Variants in PUS10 observed in about 807,000 individuals in gnomAD.
The protein encoded by PUS10 is tRNA pseudouridine synthase Pus10.
PUS10 carries 59 observed loss-of-function variants against 75.0 expected under a neutral mutation model. The observed-to-expected ratio is 0.79, with a 90% confidence interval of 0.64 to 0.98. PUS10 has a LOEUF of 0.98. Among genes scored for constraint, PUS10 ranks in the 50% least tolerant of loss-of-function variants. The pLI is 0.00. For missense variants in PUS10, 650 were observed against 614.4 expected (o/e 1.06, Z -0.61); for synonymous variants, 219 against 211.6 (o/e 1.03, Z -0.30).
At chr2:60,996,689 C>T (rs2104604970) in intron 4 of PUS10, among the ~76,000 whole-genome samples, 1 of 152,198 alleles carries the variant, frequency 6.6e-6, no homozygotes, top group South Asian at 2.1e-4. Context: ...ATCACATACC[C>T]CTACGAGACT....
chr2:60,982,839 T>A (rs539281424), intron 4 of PUS10, among the ~76,000 whole-genome samples: 4 of 152,220 alleles, frequency 2.6e-5, no homozygotes, highest in Admixed American at 1.3e-4. Flanking sequence ...GTCGAATTTT[T>A]TTTTTTTTGA....
In PUS10 at chr2:60,971,561, T is replaced by C. The variant is rs1192960852; in HGVS notation, c.469-4A>G. The C allele has an allele frequency of 6.2e-7, 1 of 1,613,528 alleles. No individual in the cohort carries two copies. Among genetic ancestry groups the C allele is most frequent in the Admixed American group, 1.7e-5 (1 of 60,004 alleles). ...TTACCAGCAACCATGCAGCATGCTG[T>C]AGGCAATTTAGTCACACCCAGAAAG... On this transcript the variant is annotated splice_region_variant and splice_polypyrimidine_tract_variant and intron_variant, in intron 4 of 17. Transcript: ENST00000316752.
chr2:61,014,545 G>A (rs1679843603), intron 1 of PUS10, among the ~76,000 whole-genome samples: 1 of 152,142 alleles, frequency 6.6e-6, no homozygotes, highest in African/African-American at 2.4e-5. Context: ...CCTGTTACCG[G>A]GAAGGAGGGG....
At chr2:60,977,116 C>T (rs1460898698) in intron 4 of PUS10, among the ~76,000 whole-genome samples, 1 of 152,116 alleles carries the variant, frequency 6.6e-6, no homozygotes, top group Non-Finnish European at 1.5e-5. Flanking sequence ...CTAACACACA[C>T]ACCATAGACC....
Position 60,960,511 on chromosome 2 carries a change from T to C in PUS10, c.881A>G (p.Tyr294Cys), listed in dbSNP as rs935697641. ...TGGTAGATTCCTGGAGTATTTATTA[T>C]ATCTCCCTGAGAAAGAAATAATCAG... is the stretch of plus-strand genomic sequence containing the variant. ...AHGAVFVAGR[Y>C]NKYSRNLPQT... Residue 294 changes from tyrosine to cysteine, a missense_variant, in exon 11 of 18, where the codon TAT becomes TGT. Physicochemically the swap from Tyr to Cys is radical, Grantham distance 194. Transcript: ENST00000316752. 1 of 1,572,234 alleles carries C rather than the reference T, an allele frequency of 6.4e-7. No individual in the cohort carries two copies. Among genetic ancestry groups the C allele is most frequent in the Non-Finnish European group, 8.6e-7 (1 of 1,164,540 alleles).
intron 10 of PUS10, 123 bp from the exon 11 acceptor site, chr2:60,960,640 C>T (rs1338963095): frequency 2.6e-6 from 2 of 770,590 alleles, no homozygotes; most frequent in Non-Finnish European, 3.9e-6. Flanking sequence ...AAGGCCTATC[C>T]TTTACCTAAC....
intron 11 of PUS10, among the ~76,000 whole-genome samples, chr2:60,957,995 C>A (rs1023385373): frequency 5.3e-5 from 8 of 152,268 alleles, no homozygotes; most frequent in Non-Finnish European, 8.8e-5. Context: ...AAAGGTATAA[C>A]TACCCTGCTG....
At chr2:60,984,713 T>G (rs879565230) in intron 4 of PUS10, among the ~76,000 whole-genome samples, 1 of 152,244 alleles carries the variant, frequency 6.6e-6, no homozygotes, top group East Asian at 1.9e-4. Context: ...GATTTAACCA[T>G]CTGTACGGGA....
At position 60,961,671 on chromosome 2, in the gene PUS10, G is replaced by T. The variant is rs1356466485; in HGVS notation, c.789-123C>A. On this transcript the variant is annotated intron_variant, in intron 9 of 17. Transcript: ENST00000316752. Reference sequence around the variant, plus strand: ...AAGTCTCTCTCTAACTTTTAGTTTCGCAACAATACAGGTCTTGCAGGCCTG... The same window carrying T: ...AAGTCTCTCTCTAACTTTTAGTTTCTCAACAATACAGGTCTTGCAGGCCTG... The T allele has an allele frequency of 1.1e-5, 9 of 821,788 alleles. No individual in the cohort carries two copies. The East Asian group carries it at 2.2e-4, about 20-fold the overall frequency. 50.9% of individuals were successfully genotyped at this position (821,788 alleles called of 1,614,324 possible).
At position 60,955,023 on chromosome 2, in the gene PUS10, C is replaced by G. The variant is rs750280217; in HGVS notation, c.1052G>C (p.Gly351Ala). The change falls in exon 12 of 18, where the codon GGA becomes GCA. Residue 351 changes from glycine (G) to alanine (A), a missense_variant. By Grantham distance (60) the Gly-to-Ala change is moderately conservative. Transcript: ENST00000316752. ...TGATGCTGTTGCAGTCTTACCATTTCCTAATGTTCTCACATCTACATCTTC... is the reference window on the plus strand; with the variant it reads ...TGATGCTGTTGCAGTCTTACCATTTGCTAATGTTCTCACATCTACATCTTC... ...GREDVDVRTL[G>A]NGRPFAIELV... The G allele has an allele frequency of 1.3e-6, 2 of 1,582,086 alleles. No homozygotes were observed. Among genetic ancestry groups the G allele is most frequent in the African/African-American group, 2.7e-5 (2 of 74,050 alleles).
chr2:60,970,369 T>C (rs1046709018), intron 5 of PUS10, among the ~76,000 whole-genome samples: 2 of 152,318 alleles, frequency 1.3e-5, no homozygotes, highest in African/African-American at 2.4e-5. Flanking sequence ...CTTAACCAAG[T>C]ATGAGATTCT....
chr2:60,960,272 A>C (rs1675939537), intron 11 of PUS10, 120 bp downstream of exon 11: 2 of 710,468 alleles, frequency 2.8e-6, no homozygotes, highest in Non-Finnish European at 4.2e-6. Flanking sequence ...TGAGCCCAGG[A>C]AGTCAAGGCT....
intron 1 of PUS10, among the ~76,000 whole-genome samples, chr2:61,013,150 G>GT (rs1679738454): frequency 6.6e-6 from 1 of 151,588 alleles, no homozygotes; most frequent in African/African-American, 2.4e-5. Context: ...CTACTCAGAA[G>GT]ACCGAGGTGG....
intron 2 of PUS10, chr2:61,010,554 T>C (rs1679533707): frequency 2.8e-6 from 1 of 352,980 alleles, no homozygotes; most frequent in African/African-American, 2.1e-5. Context: ...CTTGAACCCC[T>C]GACCTCGTGA....
chr2:61,015,420 A>T (rs1679904127), intron 1 of PUS10, among the ~76,000 whole-genome samples: 1 of 152,114 alleles, frequency 6.6e-6, no homozygotes, highest in African/African-American at 2.4e-5. Context: ...GAATCACTTG[A>T]ACCCAGTAGG....
chr2:60,974,525 G>A (rs1342429616), intron 4 of PUS10, among the ~76,000 whole-genome samples: 1 of 152,142 alleles, frequency 6.6e-6, no homozygotes, highest in Non-Finnish European at 1.5e-5. Context: ...TGCTCACCAC[G>A]GGGGACGAGA....
chr2:60,958,199 C>CT (rs575450660), intron 11 of PUS10, among the ~76,000 whole-genome samples: 3 of 152,146 alleles, frequency 2.0e-5, no homozygotes, highest in Non-Finnish European at 2.9e-5. Flanking sequence ...CCAAATGAAA[C>CT]TTTTTGTGCT....
intron 16 of PUS10, among the ~76,000 whole-genome samples, chr2:60,946,259 A>C (rs1483791416): frequency 6.6e-6 from 1 of 152,226 alleles, no homozygotes; most frequent in Non-Finnish European, 1.5e-5. Context: ...TTTAAGTCAA[A>C]TGAGCTAGCT....
intron 8 of PUS10, among the ~76,000 whole-genome samples, chr2:60,963,657 C>A (rs1227818014): frequency 6.6e-6 from 1 of 152,080 alleles, no homozygotes; most frequent in Non-Finnish European, 1.5e-5. Context: ...TTTTTCAAAA[C>A]CATATTCTAG....
Sources: gnomAD v4.1 joint callset for allele counts (sites outside exome capture counted in the v4.1 genomes callset) on GRCh38, gnomAD v4.1.1 for gene constraint, MANE v1.5 for transcripts, NCBI Gene and HGNC (gene_info 2026-07-23, HGNC 2026-07-21) for gene names.